The following TAFA5 variants were observed in gnomAD, a reference collection of about 807,000 sequenced individuals.
TAFA5 encodes the protein TAFA chemokine like family member 5, also known as chemokine-like protein TAFA-5.
A neutral mutation model predicts 15.3 loss-of-function variants in TAFA5; 6 were observed. That is an observed-to-expected ratio of 0.39 (90% CI 0.21 to 0.77). TAFA5 has a LOEUF of 0.77. Among genes scored for constraint, TAFA5 ranks in the 30% least tolerant of loss-of-function variants. TAFA5 has a pLI of 0.41. For missense variants in TAFA5, 161 were observed against 193.1 expected (o/e 0.83, Z 0.98); for synonymous variants, 103 against 80.7 (o/e 1.28, Z -1.48).
At chr22:48,654,393 G>A (rs1018157343) in intron 2 of TAFA5, among the ~76,000 whole-genome samples, 1 of 152,216 alleles carries the variant, frequency 6.6e-6, no homozygotes, top group East Asian at 1.9e-4. Context: ...GGCCTACAGG[G>A]TTTGGAAGGA....
At chr22:48,710,838 T>C (rs1929229264) in intron 3 of TAFA5, among the ~76,000 whole-genome samples, 1 of 152,220 alleles carries the variant, frequency 6.6e-6, no homozygotes. Context: ...CCCTTGGGCC[T>C]CACGGGCTTG....
At chr22:48,509,689 C>T (rs377352186) in intron 1 of TAFA5, among the ~76,000 whole-genome samples, 164 of 152,278 alleles carry the variant, frequency 1.1e-3, no homozygotes, top group African/African-American at 3.7e-3. Flanking sequence ...CAATGGCTCA[C>T]GCCTGTAATC....
rs1353272522 is a variant in TAFA5, at chr22:48,536,064, G to GC, written c.112+46362dup. Among the ~76,000 whole-genome samples, 2 of 152,230 alleles carry GC rather than the reference G, an allele frequency of 1.3e-5. 1 individual carries two copies. ...CGAGCCCCCGCCACAGAGCTGCACC[G>GC]CCGCTTGGTGCCGCATGCAGCGAGT... On this transcript the variant is annotated intron_variant, in intron 1 of 3. Transcript: ENST00000402357.
chr22:48,571,748 CT>C (rs1336928455), intron 1 of TAFA5, among the ~76,000 whole-genome samples: 1 of 151,772 alleles, frequency 6.6e-6, no homozygotes, highest in African/African-American at 2.4e-5. Flanking sequence ...TCTTTGTTGC[CT>C]TTTATTCTCC....
chr22:48,578,640 T>G (rs1426795714), intron 1 of TAFA5, among the ~76,000 whole-genome samples: 6 of 152,172 alleles, frequency 3.9e-5, no homozygotes, highest in Admixed American at 3.9e-4. Flanking sequence ...GGAGGAGCGA[T>G]TGCGGGTCCC....
chr22:48,619,813 G>T (rs1925739671), intron 1 of TAFA5, among the ~76,000 whole-genome samples: 1 of 152,246 alleles, frequency 6.6e-6, no homozygotes, highest in African/African-American at 2.4e-5. Context: ...GGAGCGGCAT[G>T]CTGGGGTGGG....
chr22:48,623,453 G>A (rs550270090), intron 1 of TAFA5, among the ~76,000 whole-genome samples: 5 of 152,202 alleles, frequency 3.3e-5, no homozygotes, highest in Non-Finnish European at 5.9e-5. Context: ...GTGGCCCTGC[G>A]CGGTGACCTG....
intron 1 of TAFA5, among the ~76,000 whole-genome samples, chr22:48,621,566 G>A (rs1925839290): frequency 1.3e-5 from 2 of 152,152 alleles, no homozygotes; most frequent in Admixed American, 1.3e-4. Flanking sequence ...TGTAGCAGGA[G>A]CGAGTAGAAG....
chr22:48,701,416 A>G (rs529636344), intron 2 of TAFA5, among the ~76,000 whole-genome samples: 67 of 152,242 alleles, frequency 4.4e-4, no homozygotes, highest in African/African-American at 1.6e-3. Context: ...GCACGGGTCC[A>G]CCCAGGTGCT....
At chr22:48,743,135 G>A (rs888524399) in intron 3 of TAFA5, among the ~76,000 whole-genome samples, 2 of 152,206 alleles carry the variant, frequency 1.3e-5, no homozygotes, top group Non-Finnish European at 2.9e-5. Context: ...GGGTCCAGAC[G>A]TCTGTGGTCA....
chr22:48,669,376 C>G (rs149764657), intron 2 of TAFA5, among the ~76,000 whole-genome samples: 2 of 152,186 alleles, frequency 1.3e-5, no homozygotes. Flanking sequence ...CCCTTGGCCC[C>G]GGGGTAGCCC....
At chr22:48,597,004 G>A (rs1451161800) in intron 1 of TAFA5, among the ~76,000 whole-genome samples, 2 of 152,076 alleles carry the variant, frequency 1.3e-5, no homozygotes, top group Non-Finnish European at 2.9e-5. Context: ...TGAAGGTCTC[G>A]CTGCGATGCC....
chr22:48,747,224 C>G (rs768495676), intron 3 of TAFA5, among the ~76,000 whole-genome samples: 5 of 152,228 alleles, frequency 3.3e-5, no homozygotes, highest in Non-Finnish European at 7.3e-5. Context: ...AGGACGCCTG[C>G]TGGGATTGCT....
At chr22:48,548,206 G>T (rs1470054563) in intron 1 of TAFA5, among the ~76,000 whole-genome samples, 4 of 152,212 alleles carry the variant, frequency 2.6e-5, no homozygotes, top group Admixed American at 1.3e-4. Flanking sequence ...ACATGTGGGT[G>T]TTGACACCCA....
chr22:48,739,499 C>T (rs1331989858), intron 3 of TAFA5, among the ~76,000 whole-genome samples: 1 of 152,162 alleles, frequency 6.6e-6, no homozygotes, highest in Non-Finnish European at 1.5e-5. Flanking sequence ...ACACTAATCC[C>T]AGCCTTGGTT....
At chr22:48,683,848 T>C (rs1463409852) in intron 2 of TAFA5, among the ~76,000 whole-genome samples, 1 of 152,138 alleles carries the variant, frequency 6.6e-6, no homozygotes, top group Non-Finnish European at 1.5e-5. Context: ...GAGTGAGTTC[T>C]CACGAGATCT....
At chr22:48,525,678 G>A (rs1204159593) in intron 1 of TAFA5, among the ~76,000 whole-genome samples, 1 of 152,120 alleles carries the variant, frequency 6.6e-6, no homozygotes, top group Non-Finnish European at 1.5e-5. Context: ...GTCAGGCCGG[G>A]GCCCCAGAAG....
intron 1 of TAFA5, among the ~76,000 whole-genome samples, chr22:48,643,390 A>G (rs1462365989): frequency 2.0e-5 from 3 of 152,106 alleles, no homozygotes; most frequent in Non-Finnish European, 4.4e-5. Context: ...TTTGGTTCGA[A>G]TTGTGTCCCT....
At chr22:48,683,078 T>A (rs2147231899) in intron 2 of TAFA5, among the ~76,000 whole-genome samples, 1 of 152,320 alleles carries the variant, frequency 6.6e-6, no homozygotes, top group East Asian at 1.9e-4. Context: ...TACCTTCCGT[T>A]GACTTATTTA....
Sources: gnomAD v4.1 joint callset for allele counts (sites outside exome capture counted in the v4.1 genomes callset) on GRCh38, gnomAD v4.1.1 for gene constraint, MANE v1.5 for transcripts, NCBI Gene and HGNC (gene_info 2026-07-23, HGNC 2026-07-21) for gene names.